The following PCYT1A variants were observed in gnomAD, a reference collection of about 807,000 sequenced individuals.
PCYT1A encodes choline-phosphate cytidylyltransferase A.
Under a neutral mutation model 43.7 loss-of-function variants are expected in PCYT1A, and 25 were observed. That is an observed-to-expected ratio of 0.57 (90% CI 0.42 to 0.80). The LOEUF is 0.80. Among genes scored for constraint, PCYT1A ranks in the 30% least tolerant of loss-of-function variants. PCYT1A has a pLI of 0.00. For missense variants in PCYT1A, 421 were observed against 474.2 expected, an observed-to-expected ratio of 0.89 and a Z score of 1.04; for synonymous variants, 172 against 170.7, an observed-to-expected ratio of 1.01 and a Z score of -0.06.
chr3:196,262,468 G>A (rs901955641), intron 2 of PCYT1A, among the ~76,000 whole-genome samples: 1 of 152,176 alleles, frequency 6.6e-6, no homozygotes, highest in African/African-American at 2.4e-5. Context: ...ACAGATTTCA[G>A]CATGCTAACA....
rs1725625428 is a variant in PCYT1A, at chr3:196,277,556, T to C, written c.-10-7015A>G. ...CAAAGATTACTCCTCATGACTTTCC[T>C]CTAGAACTACTGCTGTTTAAACTTT... On this transcript the variant is annotated intron_variant, in intron 1 of 8. Transcript: ENST00000431016. The surrounding 1 kb of genome is among the most constrained non-coding windows in gnomAD (Gnocchi z 4.1). 6.6e-6 allele frequency among the ~76,000 whole-genome samples: 1 copy of C among 152,172 alleles called. No homozygotes were observed. Among genetic ancestry groups the C allele is most frequent in the African/African-American group, 2.4e-5 (1 of 41,446 alleles).
intron 5 of PCYT1A, among the ~76,000 whole-genome samples, chr3:196,246,414 A>G (rs1367611509): frequency 6.8e-6 from 1 of 147,406 alleles, no homozygotes; most frequent in South Asian, 2.3e-4. Context: ...TTTTTTTTTT[A>G]AAGTAGAGAC....
At chr3:196,283,135 T>C (rs1404178805) in intron 1 of PCYT1A, among the ~76,000 whole-genome samples, 2 of 152,120 alleles carry the variant, frequency 1.3e-5, no homozygotes, top group Non-Finnish European at 1.5e-5. Flanking sequence ...GTCTGGAGTT[T>C]AAGACCAGCC....
chr3:196,251,226 A>C (rs1032181684), intron 3 of PCYT1A: 2 of 177,122 alleles, frequency 1.1e-5, no homozygotes, highest in Admixed American at 6.5e-5. Context: ...AGGACCAGAT[A>C]CACCATGCTG....
At chr3:196,260,528 A>G (rs1286937624) in intron 2 of PCYT1A, among the ~76,000 whole-genome samples, 2 of 152,292 alleles carry the variant, frequency 1.3e-5, no homozygotes, top group East Asian at 3.9e-4. Flanking sequence ...TACCCAAGAT[A>G]ACTGAAAACA....
At chr3:196,243,585 C>T (rs892170376) in intron 5 of PCYT1A, among the ~76,000 whole-genome samples, 6 of 152,076 alleles carry the variant, frequency 3.9e-5, no homozygotes, top group Non-Finnish European at 7.4e-5. Flanking sequence ...TGATGCCGAG[C>T]GGAAGCTGGA....
chr3:196,240,420 C>T (rs1322205778), intron 7 of PCYT1A, among the ~76,000 whole-genome samples: 2 of 152,174 alleles, frequency 1.3e-5, no homozygotes, highest in Admixed American at 1.3e-4. Context: ...CACAGTGGCT[C>T]ATGCCTGTAA....
chr3:196,278,040 G>T (rs1253672119), intron 1 of PCYT1A, among the ~76,000 whole-genome samples: 2 of 152,096 alleles, frequency 1.3e-5, no homozygotes, highest in African/African-American at 4.8e-5. Context: ...ATGGAAAAAG[G>T]TACCCCCAGT....
rs537125916 is a variant in PCYT1A, at chr3:196,238,508, A to G, written c.*180T>C. The G allele has an allele frequency of 1.4e-5, 6 of 441,848 alleles. No homozygotes were observed. Among genetic ancestry groups the G allele is most frequent in the African/African-American group, 1.2e-4 (6 of 49,144 alleles). 27.4% of individuals were successfully genotyped at this position (441,848 alleles called of 1,614,324 possible). A position where few individuals can be genotyped will look rare whatever the true frequency, so the allele number is the denominator to read the frequency against. ...GCAGTCCCCCTCCTTCGTGTGGGTGAGTGATGTCACTTGCAGGACAGGCTG... is the reference window on the plus strand; with the variant it reads ...GCAGTCCCCCTCCTTCGTGTGGGTGGGTGATGTCACTTGCAGGACAGGCTG... On this transcript the variant is annotated 3_prime_UTR_variant, in exon 9 of 9. Coordinates refer to ENST00000431016, the MANE Select transcript of PCYT1A (RefSeq NM_001312673.2).
chr3:196,266,317 C>T (rs2108775980), intron 2 of PCYT1A, among the ~76,000 whole-genome samples: 1 of 150,526 alleles, frequency 6.6e-6, no homozygotes, highest in East Asian at 2.1e-4. Flanking sequence ...CTAAAAAATA[C>T]AAAAAATTAG....
In PCYT1A at chr3:196,242,637, CA is replaced by C; in HGVS notation, c.489del (p.Ile163MetfsTer4). ...GGAATATCATCATGGGCTACAAAAT[CA>C]ATCTGAAAATAAGGAAACATCATTA... Reference protein sequence around the residue: ...LTPEFLAEHRIDFVAHDDIPY... With the variant: ...LTPEFLAEHRXDFVAHDDIPY... On this transcript the variant is annotated frameshift_variant and splice_region_variant, in exon 6 of 9. Transcript: ENST00000431016. LOFTEE classifies it high-confidence loss of function. This position sits in a 1 kb window ranked among gnomAD's most constrained non-coding sequence, Gnocchi z 4.2. The C allele has an allele frequency of 1.3e-6, 2 of 1,599,418 alleles. No homozygotes were observed. The highest frequency in any genetic ancestry group is 1.7e-6 in the Non-Finnish European group (2 of 1,166,570).
rs1011078063 is a variant in PCYT1A, at chr3:196,268,837, G to C, written c.117+1578C>G. Among the ~76,000 whole-genome samples the C allele has an allele frequency of 7.2e-5, 11 of 152,062 alleles. No individual in the cohort carries two copies. The highest frequency in any genetic ancestry group is 2.4e-4 in the African/African-American group (10 of 41,422). ...TAAATAAAAATAAAAATAGTAAAGA[G>C]GCTTTGCAGATATGATTAAATAAAG... On this transcript the variant is annotated intron_variant, in intron 2 of 8. Coordinates refer to ENST00000431016, the MANE Select transcript of PCYT1A (RefSeq NM_001312673.2). This position sits in a 1 kb window ranked among gnomAD's most constrained non-coding sequence, Gnocchi z 4.4.
intron 2 of PCYT1A, among the ~76,000 whole-genome samples, chr3:196,261,769 A>G (rs547510390): frequency 5.6e-4 from 84 of 149,556 alleles, no homozygotes; most frequent in South Asian, 1.1e-3. Flanking sequence ...CAGCCTGGGC[A>G]GTGGAGCAAA....
Position 196,238,654 on chromosome 3 carries a change from C to A in PCYT1A, c.*34G>T. The A allele has an allele frequency of 7.3e-7, 1 of 1,376,812 alleles. No homozygotes were observed. The highest frequency in any genetic ancestry group is 9.8e-7 in the Non-Finnish European group (1 of 1,023,386). 85.3% of individuals were successfully genotyped at this position (1,376,812 alleles called of 1,614,324 possible). ...CAGAGAGCTTCTGAAGGTAATGGGA[C>A]AGAAAGGGAGGACAGGAAAGGAGGG... On this transcript the variant is annotated 3_prime_UTR_variant, in exon 9 of 9. Transcript: ENST00000431016.
intron 7 of PCYT1A, chr3:196,240,560 C>A (rs1192046071): frequency 6.6e-6 from 1 of 152,204 alleles, no homozygotes; most frequent in African/African-American, 2.4e-5. Context: ...GGTATGGTGG[C>A]CTGTGCCTGT....
At chr3:196,250,511 A>T (rs1001156558) in intron 3 of PCYT1A, 2 of 167,828 alleles carry the variant, frequency 1.2e-5, no homozygotes, top group Non-Finnish European at 2.5e-5. Context: ...CACTATGCTG[A>T]GGACCAGATA....
chr3:196,244,335 C>G (rs1217796168), intron 5 of PCYT1A, among the ~76,000 whole-genome samples: 876 of 120,892 alleles, frequency 7.2e-3, no homozygotes, highest in African/African-American at 0.02. Flanking sequence ...GCCTCCTCCC[C>G]GCCGCCATCC....
chr3:196,285,402 C>T (rs572096293), intron 1 of PCYT1A, among the ~76,000 whole-genome samples: 2 of 152,072 alleles, frequency 1.3e-5, no homozygotes, highest in Admixed American at 6.6e-5. Flanking sequence ...GAGGTTGCAG[C>T]GAGCTGGGAT....
At chr3:196,262,418 A>AATTTGT (rs1312803462) in intron 2 of PCYT1A, among the ~76,000 whole-genome samples, 1 of 152,246 alleles carries the variant, frequency 6.6e-6, no homozygotes, top group Non-Finnish European at 1.5e-5. Flanking sequence ...GCACTCGACG[A>AATTTGT]ATTTGTCGTT....
Sources: allele counts gnomAD v4.1 joint callset (sites outside exome capture counted in the v4.1 genomes callset), GRCh38; gene constraint gnomAD v4.1.1; non-coding constraint Gnocchi (gnomAD v3.1); transcripts MANE v1.5; gene names NCBI Gene and HGNC (gene_info 2026-07-23, HGNC 2026-07-21).